Variants in PTPRT observed in about 807,000 individuals in gnomAD.
The protein encoded by PTPRT is protein tyrosine phosphatase receptor type T.
In PTPRT, 56 loss-of-function variants were observed where a neutral mutation model predicts 176.8. The ratio of observed to expected loss-of-function variants is 0.32; its 90% confidence interval spans 0.26 to 0.40. PTPRT has a LOEUF of 0.40. Ranked by LOEUF, PTPRT falls within the 10% of genes least tolerant of loss-of-function variation. PTPRT has a pLI of 1.00. For missense variants in PTPRT, 1,540 were observed against 1,908.2 expected, an observed-to-expected ratio of 0.81 and a Z score of 3.60; for synonymous variants, 783 against 739.0, an observed-to-expected ratio of 1.06 and a Z score of -0.96.
At chr20:42,110,255 T>C in intron 23 of PTPRT, 78 bp downstream of exon 23, 1 of 1,367,916 alleles carries the variant, frequency 7.3e-7, no homozygotes, top group South Asian at 1.6e-5. Flanking sequence ...TTTCACCACG[T>C]TGGCCAGGCT....
At chr20:43,044,143 G>A (rs764708298) in intron 1 of PTPRT, among the ~76,000 whole-genome samples, 10 of 152,176 alleles carry the variant, frequency 6.6e-5, no homozygotes, top group Non-Finnish European at 2.9e-5. Flanking sequence ...TGATTAGGCT[G>A]AATTTGGAGC....
At position 42,420,362 on chromosome 20, in the gene PTPRT, G is replaced by A. The variant is rs556872319; in HGVS notation, c.1560+27858C>T. On this transcript the variant is annotated intron_variant, in intron 9 of 30. Transcript: ENST00000373187. ...TGACTCAGATAAATGTCTGAGCTCC[G>A]GTGCTTATTCTGGCCGTGCACCACT... is the stretch of plus-strand genomic sequence containing the variant. Among the ~76,000 whole-genome samples the A allele has an allele frequency of 9.2e-5, 14 of 152,158 alleles. No homozygotes were observed. The South Asian group carries it at 2.3e-3, about 25-fold the overall frequency.
intron 7 of PTPRT, among the ~76,000 whole-genome samples, chr20:42,474,895 G>A (rs548746952): frequency 1.3e-5 from 2 of 152,178 alleles, no homozygotes; most frequent in African/African-American, 2.4e-5. Context: ...CCCTGGGTTT[G>A]CCCTCCAAAC....
intron 7 of PTPRT, among the ~76,000 whole-genome samples, chr20:42,620,199 C>A (rs1309008576): frequency 7.4e-5 from 11 of 147,920 alleles, no homozygotes; most frequent in African/African-American, 1.3e-4. Flanking sequence ...AATACCCTGC[C>A]TTGTGAGGTG....
At chr20:42,625,149 G>C (rs947553727) in intron 7 of PTPRT, among the ~76,000 whole-genome samples, 17 of 152,194 alleles carry the variant, frequency 1.1e-4, no homozygotes, top group African/African-American at 4.1e-4. Context: ...GATGGGACAA[G>C]GGACAATGGC....
At chr20:42,717,902 C>T (rs938733820) in intron 6 of PTPRT, among the ~76,000 whole-genome samples, 9 of 152,150 alleles carry the variant, frequency 5.9e-5, no homozygotes, top group African/African-American at 1.7e-4. Flanking sequence ...CGCGTGCACA[C>T]GCGCATATGT....
At chr20:42,700,960 G>C (rs1256428335) in intron 6 of PTPRT, among the ~76,000 whole-genome samples, 1 of 152,134 alleles carries the variant, frequency 6.6e-6, no homozygotes, top group Admixed American at 6.5e-5. Flanking sequence ...GAGCCAGTGG[G>C]GGCGGTCCAC....
At chr20:42,494,833 T>G (rs569663699) in intron 7 of PTPRT, among the ~76,000 whole-genome samples, 21 of 152,168 alleles carry the variant, frequency 1.4e-4, no homozygotes, top group Non-Finnish European at 2.5e-4. Context: ...GAAATAAATG[T>G]TTCCTCTATC....
intron 9 of PTPRT, among the ~76,000 whole-genome samples, chr20:42,417,700 A>G (rs2059079032): frequency 6.6e-6 from 1 of 150,920 alleles, no homozygotes; most frequent in African/African-American, 2.4e-5. Context: ...TGAATGAATA[A>G]TATGAAGATG....
chr20:42,816,445 T>C (rs960755332), intron 2 of PTPRT, among the ~76,000 whole-genome samples: 1 of 152,214 alleles, frequency 6.6e-6, no homozygotes, highest in African/African-American at 2.4e-5. Context: ...TTAAACTGAC[T>C]GATATGGTTT....
intron 1 of PTPRT, among the ~76,000 whole-genome samples, chr20:43,109,263 G>C (rs988635780): frequency 5.3e-5 from 8 of 152,144 alleles, no homozygotes; most frequent in African/African-American, 1.9e-4. Flanking sequence ...GTAGACTGTG[G>C]CTGGATGAAC....
chr20:42,550,119 GC>G (rs994504404), intron 7 of PTPRT, among the ~76,000 whole-genome samples: 8 of 152,168 alleles, frequency 5.3e-5, no homozygotes, highest in Middle Eastern at 3.4e-3. Flanking sequence ...TCTTCTGTAC[GC>G]CCCTTGCTTT....
At chr20:42,482,297 T>C (rs2071401469) in intron 7 of PTPRT, among the ~76,000 whole-genome samples, 1 of 152,160 alleles carries the variant, frequency 6.6e-6, no homozygotes. Context: ...CAGGAATCCC[T>C]GCCTTTCACC....
At chr20:42,128,713 C>A (rs776699377) in intron 19 of PTPRT, 41 bp downstream of exon 19, 2 of 1,515,604 alleles carry the variant, frequency 1.3e-6, no homozygotes, top group East Asian at 4.8e-5. Context: ...CTTGAGCCTG[C>A]AAAAGCCAGC....
intron 1 of PTPRT, among the ~76,000 whole-genome samples, chr20:43,147,937 A>G (rs1432889844): frequency 1.3e-5 from 2 of 152,184 alleles, no homozygotes; most frequent in Non-Finnish European, 2.9e-5. Context: ...ACCCATCTAG[A>G]TTCTTCCTAT....
chr20:42,443,416 G>T (rs2059336614), intron 9 of PTPRT, among the ~76,000 whole-genome samples: 1 of 152,210 alleles, frequency 6.6e-6, no homozygotes, highest in African/African-American at 2.4e-5. Context: ...CAAGGCCGTT[G>T]GTGCTGCCTC....
intron 15 of PTPRT, among the ~76,000 whole-genome samples, chr20:42,205,871 TGTCCTC>T (rs2055445678): frequency 6.6e-6 from 1 of 152,140 alleles, no homozygotes; most frequent in Non-Finnish European, 1.5e-5. Context: ...AAGCTGGCAC[TGTCCTC>T]TTTGAATCCA....
chr20:42,348,813 T>C (rs982853394), intron 11 of PTPRT, among the ~76,000 whole-genome samples: 1 of 152,158 alleles, frequency 6.6e-6, no homozygotes, highest in Non-Finnish European at 1.5e-5. Context: ...GTCTGTTTTG[T>C]AGAGTTGCGC....
chr20:42,520,963 C>CAT (rs1251199806), intron 7 of PTPRT, among the ~76,000 whole-genome samples: 1 of 151,864 alleles, frequency 6.6e-6, no homozygotes, highest in Non-Finnish European at 1.5e-5. Context: ...CACCCACCAA[C>CAT]CTACATACAT....
Sources: allele counts gnomAD v4.1 joint callset (sites outside exome capture counted in the v4.1 genomes callset), GRCh38; gene constraint gnomAD v4.1.1; transcripts MANE v1.5; gene names NCBI Gene and HGNC (gene_info 2026-07-23, HGNC 2026-07-21).